GIGYF2: variants seen among roughly 807,000 people sequenced by gnomAD.
GIGYF2 encodes the protein GRB10-interacting GYF protein 2.
GIGYF2 carries 25 observed loss-of-function variants against 208.1 expected under a neutral mutation model. That is an observed-to-expected ratio of 0.12 (90% CI 0.09 to 0.17). The LOEUF (loss-of-function observed/expected upper bound fraction) is 0.17, where lower values mean the gene tolerates loss of function less well. GIGYF2 is among the 10% of genes least tolerant of loss of function. The pLI, the probability that GIGYF2 is intolerant of heterozygous loss-of-function variation, is 1.00. For missense variants in GIGYF2, 1,302 were observed against 1,579.4 expected, an observed-to-expected ratio of 0.82 and a Z score of 2.98; for synonymous variants, 534 against 543.8, an observed-to-expected ratio of 0.98 and a Z score of 0.25.
chr2:232,757,985 A>C (rs1698614099), intron 6 of GIGYF2, among the ~76,000 whole-genome samples: 1 of 152,190 alleles, frequency 6.6e-6, no homozygotes, highest in African/African-American at 2.4e-5. Flanking sequence ...TTTACATATT[A>C]ATGTTGAAGA....
At chr2:232,709,389 A>G (rs887618964) in intron 2 of GIGYF2, among the ~76,000 whole-genome samples, 1 of 152,202 alleles carries the variant, frequency 6.6e-6, no homozygotes, top group East Asian at 1.9e-4. Flanking sequence ...TCTGTCATGC[A>G]GGCAGCTTGC....
intron 14 of GIGYF2, among the ~76,000 whole-genome samples, chr2:232,803,489 C>T (rs546180368): frequency 6.6e-6 from 1 of 151,810 alleles, no homozygotes; most frequent in Non-Finnish European, 1.5e-5. Context: ...GTTCATGGTC[C>T]ATTTTAAATT....
At chr2:232,838,073 A>G (rs996879438) in intron 22 of GIGYF2, among the ~76,000 whole-genome samples, 4 of 152,220 alleles carry the variant, frequency 2.6e-5, no homozygotes, top group African/African-American at 7.2e-5. Flanking sequence ...TCATGAGGCA[A>G]TGTTGAAAGA....
Position 232,858,584 on chromosome 2 carries a change from G to A in GIGYF2, c.*1724G>A, listed in dbSNP as rs1270747769. 2.2e-6 allele frequency: 1 copy of A among 455,184 alleles called. No homozygotes were observed. Among genetic ancestry groups the A allele is most frequent in the Non-Finnish European group, 4.4e-6 (1 of 226,476 alleles). The allele number at this position is 455,184 out of a possible 1,614,324, so 28.2% of individuals were successfully genotyped here. A position where few individuals can be genotyped will look rare whatever the true frequency, so the allele number is the denominator to read the frequency against. On this transcript the variant is annotated 3_prime_UTR_variant, in exon 29 of 29. Coordinates refer to ENST00000373563, the MANE Select transcript of GIGYF2 (RefSeq NM_001103146.3). ...CTCCCTCGGAACTTTTGCCAGTGTGGAGGAAAATAAAAAAGAACTTAAATA... is the reference window on the plus strand; with the variant it reads ...CTCCCTCGGAACTTTTGCCAGTGTGAAGGAAAATAAAAAAGAACTTAAATA...
chr2:232,737,578 G>A (rs1034528414), intron 3 of GIGYF2, among the ~76,000 whole-genome samples: 1 of 152,160 alleles, frequency 6.6e-6, no homozygotes, highest in East Asian at 1.9e-4. Flanking sequence ...GAGCTGGAAA[G>A]TTGCAGTAGG....
At chr2:232,747,000 A>G in intron 3 of GIGYF2, among the ~76,000 whole-genome samples, 1 of 152,212 alleles carries the variant, frequency 6.6e-6, no homozygotes, top group East Asian at 1.9e-4. Flanking sequence ...GTCTTGAAAC[A>G]GTATAAACCT....
At position 232,762,081 on chromosome 2, in the gene GIGYF2, C is replaced by T. The variant is rs557227929; in HGVS notation, c.532+645C>T. Among the ~76,000 whole-genome samples the T allele has an allele frequency of 3.7e-4, 56 of 151,444 alleles. 1 individual carries two copies. The South Asian group carries it at 0.011, about 31-fold the overall frequency. ...TTAAAGGTACTACCTTACAAACTACCAGTAGGTATTAACATCTGAGGAGAA... is the reference window on the plus strand; with the variant it reads ...TTAAAGGTACTACCTTACAAACTACTAGTAGGTATTAACATCTGAGGAGAA... On this transcript the variant is annotated intron_variant, in intron 8 of 28. Transcript: ENST00000373563.
intron 3 of GIGYF2, among the ~76,000 whole-genome samples, chr2:232,744,677 A>G (rs2106308314): frequency 6.6e-6 from 1 of 151,958 alleles, no homozygotes; most frequent in African/African-American, 2.4e-5. Context: ...GACCAGAGGC[A>G]TGAGCCACCA....
At chr2:232,725,086 T>C (rs1411626319) in intron 2 of GIGYF2, among the ~76,000 whole-genome samples, 1 of 152,212 alleles carries the variant, frequency 6.6e-6, no homozygotes, top group Non-Finnish European at 1.5e-5. Context: ...ATGTTGTTGG[T>C]AACCTTTCAT....
chr2:232,831,693 G>A (rs906304359), intron 21 of GIGYF2, among the ~76,000 whole-genome samples: 2 of 152,100 alleles, frequency 1.3e-5, no homozygotes, highest in Admixed American at 1.3e-4. Flanking sequence ...AAGTATTTAC[G>A]GCCTTTGCAT....
chr2:232,791,536 G>T, intron 12 of GIGYF2, 90 bp downstream of exon 12: 1 of 1,099,092 alleles, frequency 9.1e-7, no homozygotes, highest in South Asian at 1.3e-5. Context: ...ATGCCTCCTA[G>T]AACTGCTTTT....
intron 21 of GIGYF2, among the ~76,000 whole-genome samples, chr2:232,825,213 A>G (rs1041481985): frequency 2.3e-4 from 35 of 152,244 alleles, no homozygotes; most frequent in Admixed American, 2.2e-3. Context: ...GTCATTATTT[A>G]AGAAACATAC....
intron 12 of GIGYF2, among the ~76,000 whole-genome samples, chr2:232,793,184 T>C (rs748639678): frequency 6.6e-6 from 1 of 152,118 alleles, no homozygotes; most frequent in Non-Finnish European, 1.5e-5. Flanking sequence ...TGATGAAATA[T>C]GAAGTGTGAA....
At chr2:232,732,432 A>G (rs1389591836) in intron 2 of GIGYF2, among the ~76,000 whole-genome samples, 2 of 152,068 alleles carry the variant, frequency 1.3e-5, no homozygotes, top group Non-Finnish European at 2.9e-5. Flanking sequence ...TCTGTTATAC[A>G]ATAAATTTAG....
At chr2:232,784,389 T>TTC (rs1171141106) in intron 8 of GIGYF2, among the ~76,000 whole-genome samples, 1 of 108,356 alleles carries the variant, frequency 9.2e-6, no homozygotes, top group East Asian at 2.8e-4. Flanking sequence ...ATAATTTCTT[T>TTC]TTTTTTTTTT....
chr2:232,772,613 A>G (rs976939968), intron 8 of GIGYF2, among the ~76,000 whole-genome samples: 2 of 152,202 alleles, frequency 1.3e-5, no homozygotes, highest in African/African-American at 2.4e-5. Flanking sequence ...CTTGCGTATG[A>G]CAAAGGTGTC....
At chr2:232,843,957 T>C (rs1701908695) in intron 23 of GIGYF2, 89 bp from the exon 24 acceptor site, 13 of 1,128,464 alleles carry the variant, frequency 1.2e-5, no homozygotes, top group Middle Eastern at 2.7e-4. Context: ...GTAGCTACTG[T>C]GTATTTACAT....
In GIGYF2 at chr2:232,858,838, T is replaced by C. The variant is rs1039239749; in HGVS notation, c.*1978T>C. 7 of 290,328 alleles carry C rather than the reference T, an allele frequency of 2.4e-5. No individual in the cohort carries two copies. Among genetic ancestry groups the C allele is most frequent in the African/African-American group, 1.1e-4 (5 of 45,318 alleles). The allele number at this position is 290,328 out of a possible 1,614,324, so 18.0% of individuals were successfully genotyped here. A position where few individuals can be genotyped will look rare whatever the true frequency, so the allele number is the denominator to read the frequency against. On this transcript the variant is annotated 3_prime_UTR_variant, in exon 29 of 29. Transcript: ENST00000373563. ...TAAGTTTGACCAAATATCTTTTCTC[T>C]TTTTGACTCTCCCTTTCTGCTAACA...
chr2:232,763,076 T>C (rs1202446624), intron 8 of GIGYF2, among the ~76,000 whole-genome samples: 1 of 152,132 alleles, frequency 6.6e-6, no homozygotes. Flanking sequence ...ACTAGGTAGA[T>C]AGTTTATTGT....
Sources: gnomAD v4.1 joint callset for allele counts (sites outside exome capture counted in the v4.1 genomes callset) on GRCh38, gnomAD v4.1.1 for gene constraint, MANE v1.5 for transcripts, NCBI Gene and HGNC (gene_info 2026-07-23, HGNC 2026-07-21) for gene names.